ATP8B4: variants seen among roughly 807,000 people sequenced by gnomAD.
ATP8B4 encodes the protein ATPase phospholipid transporting 8B4 (putative).
In ATP8B4, 133 loss-of-function variants were observed where a neutral mutation model predicts 145.6. The observed-to-expected ratio is 0.91, with a 90% confidence interval of 0.79 to 1.05. ATP8B4 has a LOEUF of 1.05. ATP8B4 is among the 50% of genes least tolerant of loss of function. The probability of loss-of-function intolerance (pLI) is 0.00; values close to 1 mark genes in which losing one functional copy is unlikely to be tolerated. For synonymous variants in ATP8B4, 507 were observed against 492.9 expected (o/e 1.03, Z -0.38); for missense variants, 1,458 against 1,425.2 (o/e 1.02, Z -0.37).
intron 7 of ATP8B4, among the ~76,000 whole-genome samples, chr15:50,007,080 T>C (rs1452743781): frequency 8.8e-6 from 1 of 113,332 alleles, no homozygotes; most frequent in Non-Finnish European, 1.8e-5. Context: ...AAAATGTACA[T>C]ACAAATGCAG....
At position 49,923,133 on chromosome 15, in the gene ATP8B4, C is replaced by A. The variant is rs371548937; in HGVS notation, c.1758+246G>T. Among the ~76,000 whole-genome samples, 12 of 152,322 alleles carry A rather than the reference C, an allele frequency of 7.9e-5. No individual in the cohort carries two copies. In the East Asian group the frequency reaches 1.7e-3, roughly 22 times the overall value. On this transcript the variant is annotated intron_variant, in intron 17 of 27. Transcript: ENST00000284509. ...TTCCCTAGACGCCCACATTCTGTGG[C>A]TACTACTCAGTTGCTGTGTGTTCCT...
chr15:50,073,330 G>A (rs1567307752), intron 3 of ATP8B4, among the ~76,000 whole-genome samples: 1 of 151,942 alleles, frequency 6.6e-6, no homozygotes, highest in Non-Finnish European at 1.5e-5. Flanking sequence ...GTGACAACAT[G>A]CAGTGTTTGG....
chr15:49,881,601 C>T (rs1341673428), intron 23 of ATP8B4, among the ~76,000 whole-genome samples: 1 of 152,112 alleles, frequency 6.6e-6, no homozygotes, highest in Non-Finnish European at 1.5e-5. Context: ...GGATAATGCA[C>T]TCAATGTGGC....
intron 6 of ATP8B4, among the ~76,000 whole-genome samples, chr15:50,015,296 C>T (rs1339686662): frequency 1.3e-5 from 2 of 152,150 alleles, no homozygotes; most frequent in Non-Finnish European, 1.5e-5. Context: ...TTCCATTTTA[C>T]GTTCTTTTGT....
chr15:49,872,068 T>C (rs923240132), intron 25 of ATP8B4, among the ~76,000 whole-genome samples: 4 of 152,182 alleles, frequency 2.6e-5, no homozygotes, highest in African/African-American at 9.7e-5. Flanking sequence ...TGCATTGCAA[T>C]GATGAGGATT....
intron 6 of ATP8B4, among the ~76,000 whole-genome samples, chr15:50,037,340 T>C (rs1366297380): frequency 1.3e-5 from 2 of 152,158 alleles, no homozygotes; most frequent in Non-Finnish European, 2.9e-5. Flanking sequence ...AGTCAAGATA[T>C]GCAACAGTGC....
intron 1 of ATP8B4, among the ~76,000 whole-genome samples, chr15:50,133,949 C>G (rs1212981321): frequency 6.6e-6 from 1 of 151,824 alleles, no homozygotes; most frequent in Non-Finnish European, 1.5e-5. Context: ...AGCCTGGGCA[C>G]CATAGCAAGA....
At chr15:50,156,286 T>C (rs35607381) in intron 1 of ATP8B4, among the ~76,000 whole-genome samples, 1 of 151,188 alleles carries the variant, frequency 6.6e-6, no homozygotes, top group Admixed American at 6.6e-5. Flanking sequence ...AGATACTTGA[T>C]ATAATTGCTC....
At chr15:50,133,747 G>C (rs1214556383) in intron 1 of ATP8B4, among the ~76,000 whole-genome samples, 1 of 152,102 alleles carries the variant, frequency 6.6e-6, no homozygotes, top group Non-Finnish European at 1.5e-5. Context: ...ATGTTTTGGA[G>C]ATCTAACATA....
At chr15:50,019,039 G>T in intron 6 of ATP8B4, 2 of 845,622 alleles carry the variant, frequency 2.4e-6, no homozygotes, top group African/African-American at 1.8e-5. Flanking sequence ...AATCTTGATC[G>T]GTCATTTAAA....
chr15:50,065,447 A>G (rs2053316417), intron 3 of ATP8B4, among the ~76,000 whole-genome samples: 1 of 152,188 alleles, frequency 6.6e-6, no homozygotes, highest in Non-Finnish European at 1.5e-5. Context: ...GCAAAACAAG[A>G]TAAAAACCAC....
chr15:50,151,210 C>G (rs1199340762), intron 1 of ATP8B4, among the ~76,000 whole-genome samples: 1 of 152,172 alleles, frequency 6.6e-6, no homozygotes, highest in Non-Finnish European at 1.5e-5. Flanking sequence ...AGGTAGATCA[C>G]AGGAACTCAA....
chr15:50,144,902 C>T (rs1196790764), intron 1 of ATP8B4, among the ~76,000 whole-genome samples: 1 of 151,530 alleles, frequency 6.6e-6, no homozygotes, highest in Non-Finnish European at 1.5e-5. Context: ...ATCACTCCTG[C>T]CCTCTACACT....
At chr15:50,142,621 T>C (rs1331894265) in intron 1 of ATP8B4, among the ~76,000 whole-genome samples, 1 of 152,144 alleles carries the variant, frequency 6.6e-6, no homozygotes, top group Non-Finnish European at 1.5e-5. Flanking sequence ...GAAATGGTGG[T>C]AGAAAGCAAC....
intron 17 of ATP8B4, chr15:49,922,440 G>A (rs907871966): frequency 2.6e-5 from 11 of 428,394 alleles, no homozygotes; most frequent in South Asian, 1.7e-4. Context: ...ATTCTCTATT[G>A]GAAAGACAAA....
At position 49,987,440 on chromosome 15, in the gene ATP8B4, G is replaced by A. The variant is rs142294793; in HGVS notation, c.699C>T (p.Gly233=). ...SLNNEKIILR[G]CILRNTSWCF... ...ACCAGCTGGTATTTCTCAGGATGCA[G>A]CCTCTCAGGATTATCTTCTCATTGT... The change falls in exon 10 of 28, where the codon GGC becomes GGT. Residue 233 remains glycine, a synonymous_variant. Transcript: ENST00000284509. 3.1e-6 allele frequency: 5 copies of A among 1,613,802 alleles called. No homozygotes were observed. The highest frequency in any genetic ancestry group is 1.6e-4 in the Middle Eastern group (1 of 6,080).
At chr15:50,109,895 C>T (rs1396261778) in intron 1 of ATP8B4, among the ~76,000 whole-genome samples, 1 of 152,126 alleles carries the variant, frequency 6.6e-6, no homozygotes. Context: ...GATCTTCCTG[C>T]TAGCACTTCT....
intron 3 of ATP8B4, among the ~76,000 whole-genome samples, chr15:50,066,981 A>T (rs191419799): frequency 3.1e-4 from 47 of 152,026 alleles, no homozygotes; most frequent in Non-Finnish European, 3.2e-4. Context: ...CCCTTCCTTA[A>T]CACTTTCCTA....
chr15:50,083,295 G>A (rs1390155345), intron 2 of ATP8B4, among the ~76,000 whole-genome samples: 1 of 152,010 alleles, frequency 6.6e-6, no homozygotes, highest in East Asian at 1.9e-4. Flanking sequence ...TTTCTTATAT[G>A]TGCCTGTTCT....
Sources: allele counts gnomAD v4.1 joint callset (sites outside exome capture counted in the v4.1 genomes callset), GRCh38; gene constraint gnomAD v4.1.1; transcripts MANE v1.5; gene names NCBI Gene and HGNC (gene_info 2026-07-23, HGNC 2026-07-21).